Variants in TNKS observed in about 807,000 individuals in gnomAD.
TNKS encodes poly [ADP-ribose] polymerase tankyrase-1.
TNKS carries 72 observed loss-of-function variants against 135.8 expected under a neutral mutation model. The observed-to-expected ratio is 0.53, with a 90% CI of 0.44 to 0.64. The LOEUF is 0.64. Ranked by LOEUF, TNKS falls within the 30% of genes least tolerant of loss-of-function variation. The pLI is 0.00. For synonymous variants in TNKS, 849 were observed against 649.3 expected (o/e 1.31, Z -4.68); for missense variants, 1,769 against 1,674.0 (o/e 1.06, Z -0.99).
intron 12 of TNKS, among the ~76,000 whole-genome samples, chr8:9,725,824 G>T (rs1805134130): frequency 6.6e-6 from 1 of 151,930 alleles, no homozygotes; most frequent in Non-Finnish European, 1.5e-5. Flanking sequence ...ATTTTATTTG[G>T]GTCAATGTGA....
intron 3 of TNKS, among the ~76,000 whole-genome samples, chr8:9,655,667 C>T (rs1801332245): frequency 6.6e-6 from 1 of 152,178 alleles, no homozygotes; most frequent in Non-Finnish European, 1.5e-5. Context: ...CTCCAACAGG[C>T]CTGCAGCTGA....
intron 3 of TNKS, among the ~76,000 whole-genome samples, chr8:9,678,309 C>G (rs1338126965): frequency 6.6e-6 from 1 of 152,182 alleles, no homozygotes; most frequent in Non-Finnish European, 1.5e-5. Flanking sequence ...CTCTAACTTC[C>G]ATATTGCTAC....
At chr8:9,569,689 A>T (rs1011324390) in intron 1 of TNKS, among the ~76,000 whole-genome samples, 1 of 152,210 alleles carries the variant, frequency 6.6e-6, no homozygotes, top group Non-Finnish European at 1.5e-5. Context: ...TAGTTGTTTG[A>T]TAAAAGCAAT....
chr8:9,774,894 C>T (rs1030001342), intron 26 of TNKS, among the ~76,000 whole-genome samples: 20 of 152,046 alleles, frequency 1.3e-4, no homozygotes, highest in Non-Finnish European at 1.9e-4. Flanking sequence ...AAACTTCACT[C>T]GGATAAAAGG....
chr8:9,780,258 G>C lies in TNKS; in HGVS notation c.*3522G>C, dbSNP rs1383993086. 3 of 151,588 alleles carry C rather than the reference G, an allele frequency of 2.0e-5. No individual in the cohort carries two copies. Among genetic ancestry groups the C allele is most frequent in the Admixed American group, 1.3e-4 (2 of 15,218 alleles). The allele number at this position is 151,588 out of a possible 1,614,324, so 9.4% of individuals were successfully genotyped here. A position where few individuals can be genotyped will look rare whatever the true frequency, so the allele number is the denominator to read the frequency against. On this transcript the variant is annotated 3_prime_UTR_variant, in exon 27 of 27. Coordinates refer to ENST00000310430, the MANE Select transcript of TNKS (RefSeq NM_003747.3). ...TGTAAATGGCCTTGCAAACAGAAGT[G>C]GTGTGTATTTTCAAGCACCTTTCCC...
In TNKS at chr8:9,779,425, G is replaced by A. The variant is rs1808370530; in HGVS notation, c.*2689G>A. 6.6e-6 allele frequency: 1 copy of A among 152,146 alleles called. No homozygotes were observed. The highest frequency in any genetic ancestry group is 2.4e-5 in the African/African-American group (1 of 41,386). The allele number at this position is 152,146 out of a possible 1,614,324, so 9.4% of individuals were successfully genotyped here. A position where few individuals can be genotyped will look rare whatever the true frequency, so the allele number is the denominator to read the frequency against. On this transcript the variant is annotated 3_prime_UTR_variant, in exon 27 of 27. Coordinates refer to ENST00000310430, the MANE Select transcript of TNKS (RefSeq NM_003747.3). Reference sequence around the variant, plus strand: ...GCCCCTCTGTTTCCCTAACCACATGGAAGAAAGAATCTGAACGTCTCCACC... The same window carrying A: ...GCCCCTCTGTTTCCCTAACCACATGAAAGAAAGAATCTGAACGTCTCCACC...
At chr8:9,572,248 T>C (rs1247664269) in intron 1 of TNKS, among the ~76,000 whole-genome samples, 1 of 152,254 alleles carries the variant, frequency 6.6e-6, no homozygotes, top group East Asian at 1.9e-4. Flanking sequence ...AAATTAAGTA[T>C]GAAAGTGTCT....
chr8:9,680,058 C>T (rs1802718147), intron 4 of TNKS, 71 bp downstream of exon 4: 2 of 1,156,798 alleles, frequency 1.7e-6, no homozygotes, highest in African/African-American at 1.5e-5. Flanking sequence ...AGGTGGAGGA[C>T]TATAAAAAAT....
At chr8:9,772,412 A>AAAATACATGATGTAAG (rs1807963164) in intron 26 of TNKS, 1 of 455,574 alleles carries the variant, frequency 2.2e-6, no homozygotes, top group African/African-American at 2.0e-5. Flanking sequence ...ATTCCAGCCA[A>AAAATACATGATGTAAG]AAATACATGA....
chr8:9,716,726 T>C (rs946990608), intron 11 of TNKS, among the ~76,000 whole-genome samples: 2 of 151,934 alleles, frequency 1.3e-5, no homozygotes, highest in African/African-American at 4.8e-5. Flanking sequence ...CTCTTTCTCT[T>C]TCTCTGAGGT....
At chr8:9,693,147 A>G (rs1159715691) in intron 5 of TNKS, among the ~76,000 whole-genome samples, 1 of 152,222 alleles carries the variant, frequency 6.6e-6, no homozygotes, top group Non-Finnish European at 1.5e-5. Flanking sequence ...CAAATGATAG[A>G]TCAAATGAAA....
At chr8:9,612,711 G>A (rs924656329) in intron 2 of TNKS, among the ~76,000 whole-genome samples, 3 of 152,082 alleles carry the variant, frequency 2.0e-5, no homozygotes, top group Non-Finnish European at 4.4e-5. Flanking sequence ...AGTCGAGGGA[G>A]GGATGAGGAC....
At chr8:9,588,478 A>G (rs13279694) in intron 2 of TNKS, among the ~76,000 whole-genome samples, 7,891 of 152,188 alleles carry the variant, frequency 0.052, 212 homozygotes, top group Middle Eastern at 0.082. Context: ...GGATTTCACC[A>G]TGTTAGCCAG....
Position 9,770,178 on chromosome 8 carries a change from G to A in TNKS, c.3813G>A (p.Ala1271=), listed in dbSNP as rs776524512. ...LQFSTMKMAH[A]PPGHHSVIGR... Reference sequence around the variant, plus strand: ...TTAGCACCATGAAAATGGCCCACGCGCCTCCAGGGCACCACTCAGTCATTG... The same window carrying A: ...TTAGCACCATGAAAATGGCCCACGCACCTCCAGGGCACCACTCAGTCATTG... Residue 1271 remains alanine (A), a synonymous_variant, in exon 26 of 27, where the codon GCG becomes GCA. Transcript: ENST00000310430. 44 of 1,613,242 alleles carry A rather than the reference G, an allele frequency of 2.7e-5. 2 individuals carry two copies. Among genetic ancestry groups the A allele is most frequent in the South Asian group, 1.1e-4 (10 of 91,086 alleles).
At chr8:9,721,762 G>A (rs1316694736) in intron 12 of TNKS, among the ~76,000 whole-genome samples, 4 of 151,968 alleles carry the variant, frequency 2.6e-5, no homozygotes, top group African/African-American at 7.3e-5. Flanking sequence ...TATATAAAAC[G>A]CCCTAACTAG....
chr8:9,725,722 T>A (rs1354925963), intron 12 of TNKS, among the ~76,000 whole-genome samples: 2 of 152,230 alleles, frequency 1.3e-5, no homozygotes, highest in African/African-American at 4.8e-5. Flanking sequence ...CCTTTTGTGT[T>A]AACATAATGT....
chr8:9,566,025 C>G (rs573491787), intron 1 of TNKS, among the ~76,000 whole-genome samples: 1 of 151,940 alleles, frequency 6.6e-6, no homozygotes, highest in Admixed American at 6.6e-5. Flanking sequence ...TTGAAAAGTT[C>G]TGATGCCCTC....
At chr8:9,652,707 C>T (rs970272224) in intron 3 of TNKS, among the ~76,000 whole-genome samples, 1 of 152,116 alleles carries the variant, frequency 6.6e-6, no homozygotes, top group African/African-American at 2.4e-5. Flanking sequence ...GTTAGTAAAT[C>T]AAATACTTTA....
intron 3 of TNKS, among the ~76,000 whole-genome samples, chr8:9,676,330 C>T (rs1241051690): frequency 2.6e-5 from 4 of 152,020 alleles, no homozygotes; most frequent in Admixed American, 2.0e-4. Context: ...CTTTTTTAGC[C>T]TCTCATTGCT....
Sources: gnomAD v4.1 joint callset for allele counts (sites outside exome capture counted in the v4.1 genomes callset) on GRCh38, gnomAD v4.1.1 for gene constraint, MANE v1.5 for transcripts, NCBI Gene and HGNC (gene_info 2026-07-23, HGNC 2026-07-21) for gene names.